LMNB1: variants seen among roughly 807,000 people sequenced by gnomAD.
LMNB1 encodes lamin B1, also known as lamin-B1.
LMNB1 carries 23 observed loss-of-function variants against 67.1 expected under a neutral mutation model. The ratio of observed to expected loss-of-function variants is 0.34; its 90% CI spans 0.25 to 0.49. The LOEUF is 0.49. LMNB1 is among the 20% of genes least tolerant of loss of function. LMNB1 has a pLI of 0.99. For missense variants in LMNB1, 634 were observed against 746.5 expected (o/e 0.85, Z 1.76); for synonymous variants, 281 against 282.9 (o/e 0.99, Z 0.07).
At position 126,777,391 on chromosome 5, in the gene LMNB1, C is replaced by A; in HGVS notation, c.-118C>A. 1 of 1,169,224 alleles carries A rather than the reference C, an allele frequency of 8.6e-7. No homozygotes were observed. The highest frequency in any genetic ancestry group is 1.1e-6 in the Non-Finnish European group (1 of 928,262). 72.4% of individuals were successfully genotyped at this position (1,169,224 alleles called of 1,614,324 possible). ...TCTCCGTTCCTCTAAACGCCAGCGT[C>A]TGGACGTGAGCGCAGGTCGCCGGTT... On this transcript the variant is annotated 5_prime_UTR_variant, in exon 1 of 11. It adds an upstream start codon to the 5' untranslated region. Transcript: ENST00000261366.
At chr5:126,807,876 T>TTTTTGTTTTTGTTTTTC (rs563617524) in intron 3 of LMNB1, among the ~76,000 whole-genome samples, 4 of 48,314 alleles carry the variant, frequency 8.3e-5, no homozygotes, top group Middle Eastern at 0.011. Context: ...TTTTGTTTTT[T>TTTTTGTTTTTGTTTTTC]TTAACTCTTT....
chr5:126,832,246 C>T (rs1430501706), intron 9 of LMNB1, among the ~76,000 whole-genome samples: 2 of 151,972 alleles, frequency 1.3e-5, no homozygotes, highest in African/African-American at 4.8e-5. Context: ...CCAGCCTGGG[C>T]GACAGAGTGA....
At chr5:126,810,894 C>A (rs1044865784) in intron 4 of LMNB1, among the ~76,000 whole-genome samples, 1 of 152,220 alleles carries the variant, frequency 6.6e-6, no homozygotes, top group Non-Finnish European at 1.5e-5. Flanking sequence ...GCTGACCTTA[C>A]AAGAATTCAT....
chr5:126,812,116 A>G (rs1396854545), intron 5 of LMNB1, among the ~76,000 whole-genome samples: 2 of 152,226 alleles, frequency 1.3e-5, no homozygotes, highest in African/African-American at 4.8e-5. Context: ...TTAGTAGATT[A>G]CACAGAGCTA....
chr5:126,828,891 A>G (rs978074594), intron 9 of LMNB1, among the ~76,000 whole-genome samples: 3 of 152,104 alleles, frequency 2.0e-5, no homozygotes, highest in African/African-American at 4.8e-5. Context: ...CAAACTTCTA[A>G]TACCTTCAGC....
intron 8 of LMNB1, 97 bp from the exon 9 acceptor site, chr5:126,825,891 C>G (rs1751984056): frequency 6.5e-7 from 1 of 1,542,130 alleles, no homozygotes. Context: ...AGTTCTCAGA[C>G]TTTTAGAATC....
chr5:126,801,935 T>C (rs1751296709), intron 1 of LMNB1, among the ~76,000 whole-genome samples: 1 of 152,264 alleles, frequency 6.6e-6, no homozygotes, highest in Non-Finnish European at 1.5e-5. Flanking sequence ...TTCAGTCATA[T>C]GTCTTATGAC....
intron 1 of LMNB1, among the ~76,000 whole-genome samples, chr5:126,797,148 A>G (rs1022982372): frequency 6.6e-6 from 1 of 152,254 alleles, no homozygotes; most frequent in South Asian, 2.1e-4. Context: ...TGTTAGACCA[A>G]TAAAATTCAA....
intron 3 of LMNB1, among the ~76,000 whole-genome samples, chr5:126,806,602 AAG>A (rs149759920): frequency 1.3e-4 from 19 of 150,278 alleles, no homozygotes; most frequent in Admixed American, 2.0e-4. Context: ...AGTGATGAGA[AAG>A]AGAGAGAGAG....
chr5:126,795,327 G>A (rs975539429), intron 1 of LMNB1, among the ~76,000 whole-genome samples: 2 of 151,854 alleles, frequency 1.3e-5, no homozygotes, highest in African/African-American at 4.8e-5. Context: ...TTGTAGAAAT[G>A]GGGTTTCACC....
chr5:126,818,124 G>T (rs1438684191), intron 5 of LMNB1, among the ~76,000 whole-genome samples: 4 of 152,180 alleles, frequency 2.6e-5, no homozygotes, highest in African/African-American at 9.6e-5. Flanking sequence ...ACTAGGTAGT[G>T]CCTTCCACAT....
At position 126,789,433 on chromosome 5, in the gene LMNB1, C is replaced by A. The variant is rs545317331; in HGVS notation, c.359+11566C>A. 1.5e-4 allele frequency among the ~76,000 whole-genome samples: 23 copies of A among 152,208 alleles called. No homozygotes were observed. The South Asian group carries it at 4.6e-3, about 30-fold the overall frequency. ...ATACTTTTGTGTATGAAAGAGGGAG[C>A]TGTTAATAATTATGCAGTGACAGCT... is the stretch of plus-strand genomic sequence containing the variant. On this transcript the variant is annotated intron_variant, in intron 1 of 10. Coordinates refer to ENST00000261366, the MANE Select transcript of LMNB1 (RefSeq NM_005573.4).
chr5:126,789,894 C>T (rs917473969), intron 1 of LMNB1, among the ~76,000 whole-genome samples: 1 of 152,054 alleles, frequency 6.6e-6, no homozygotes, highest in African/African-American at 2.4e-5. Flanking sequence ...AGGTTGGTCT[C>T]GATCTCCTGA....
Position 126,804,830 on chromosome 5 carries a change from T to C in LMNB1, c.414T>C (p.Tyr138=), listed in dbSNP as rs3749830. The change falls in exon 2 of 11, where the codon TAT becomes TAC. Residue 138 remains tyrosine, a synonymous_variant. Transcript: ENST00000261366. ...LNGAQIKLRE[Y]EAALNSKDAA... is the part of the protein sequence containing the mutation. Reference sequence around the variant, plus strand: ...GCGCCCAGATCAAGCTTCGAGAATATGAAGCAGCACTGAATTCGAAAGATG... The same window carrying C: ...GCGCCCAGATCAAGCTTCGAGAATACGAAGCAGCACTGAATTCGAAAGATG... 100,000 of 1,613,696 alleles carry C rather than the reference T, an allele frequency of 0.062. 3,265 individuals are homozygous for C. The highest frequency in any genetic ancestry group is 0.075 in the South Asian group (6,823 of 91,060).
chr5:126,793,640 C>T (rs546804664), intron 1 of LMNB1, among the ~76,000 whole-genome samples: 44 of 152,166 alleles, frequency 2.9e-4, no homozygotes, highest in Admixed American at 3.9e-4. Context: ...TTTGGGAGGC[C>T]GAGGCAGGTG....
intron 1 of LMNB1, among the ~76,000 whole-genome samples, chr5:126,803,201 A>G (rs1751332075): frequency 6.7e-6 from 1 of 149,066 alleles, no homozygotes; most frequent in Non-Finnish European, 1.5e-5. Flanking sequence ...AAAAAAAGTG[A>G]TATTTAGAGA....
At chr5:126,792,808 T>G (rs542810759) in intron 1 of LMNB1, among the ~76,000 whole-genome samples, 1 of 152,060 alleles carries the variant, frequency 6.6e-6, no homozygotes, top group East Asian at 1.9e-4. Context: ...ACTCCCGACC[T>G]CAGGTGATCC....
At chr5:126,805,456 T>C in intron 2 of LMNB1, 115 bp from the exon 3 acceptor site, 1 of 703,612 alleles carries the variant, frequency 1.4e-6, no homozygotes, top group Non-Finnish European at 2.3e-6. Flanking sequence ...TAATTATACA[T>C]TGATAAATAT....
At chr5:126,817,078 G>GGTTT (rs1554114738) in intron 5 of LMNB1, among the ~76,000 whole-genome samples, 8 of 22,850 alleles carry the variant, frequency 3.5e-4, no homozygotes, top group East Asian at 1.6e-3. Flanking sequence ...CCGTTTGTTT[G>GGTTT]GTTTGTTTGT....
Sources: allele counts gnomAD v4.1 joint callset (sites outside exome capture counted in the v4.1 genomes callset), GRCh38; gene constraint gnomAD v4.1.1; transcripts MANE v1.5; gene names NCBI Gene and HGNC (gene_info 2026-07-23, HGNC 2026-07-21).